The following NBPF3 variants were observed in gnomAD, a reference collection of about 807,000 sequenced individuals.
NBPF3 encodes the protein NBPF member 3.
Under a neutral mutation model 78.1 loss-of-function variants are expected in NBPF3, and 57 were observed. The ratio of observed to expected loss-of-function variants is 0.73; its 90% CI spans 0.59 to 0.91. The LOEUF (loss-of-function observed/expected upper bound fraction) is 0.91, where lower values mean the gene tolerates loss of function less well. Ranked by LOEUF, NBPF3 falls within the 40% of genes least tolerant of loss-of-function variation. The pLI, the probability that NBPF3 is intolerant of heterozygous loss-of-function variation, is 0.00. For missense variants in NBPF3, 510 were observed against 715.3 expected, an observed-to-expected ratio of 0.71 and a Z score of 3.27; for synonymous variants, 182 against 271.7, an observed-to-expected ratio of 0.67 and a Z score of 3.25.
chr1:21,442,898 G>C (rs1640742955), intron 1 of NBPF3, among the ~76,000 whole-genome samples: 1 of 152,170 alleles, frequency 6.6e-6, no homozygotes, highest in African/African-American at 2.4e-5. Context: ...TTGGGCTCAA[G>C]TAATCTGCCC....
chr1:21,472,981 C>G, intron 6 of NBPF3, 66 bp downstream of exon 6: 1 of 1,220,532 alleles, frequency 8.2e-7, no homozygotes, highest in Non-Finnish European at 1.2e-6. Context: ...GGAGGCACAC[C>G]CTCTCTGGCA....
chr1:21,471,041 A>G (rs1642560891), intron 4 of NBPF3, among the ~76,000 whole-genome samples: 1 of 148,160 alleles, frequency 6.7e-6, no homozygotes, highest in South Asian at 2.2e-4. Context: ...ACTCAAAGTG[A>G]TGTGCCATCA....
At chr1:21,480,578 TG>T (rs1391115228) in intron 11 of NBPF3, among the ~76,000 whole-genome samples, 1 of 152,308 alleles carries the variant, frequency 6.6e-6, no homozygotes, top group Non-Finnish European at 1.5e-5. Context: ...ACGAATGAGC[TG>T]GGCATTTGAT....
At chr1:21,462,417 A>C (rs1337244691) in intron 2 of NBPF3, among the ~76,000 whole-genome samples, 2 of 152,174 alleles carry the variant, frequency 1.3e-5, no homozygotes, top group African/African-American at 4.8e-5. Flanking sequence ...GGTTTTTTGC[A>C]GTATACTCTA....
chr1:21,450,626 C>T (rs1253983049), intron 2 of NBPF3, among the ~76,000 whole-genome samples: 1 of 152,196 alleles, frequency 6.6e-6, no homozygotes, highest in African/African-American at 2.4e-5. Context: ...AATGCATTCA[C>T]CGTCTCCCCT....
At chr1:21,474,390 G>A (rs1394360655) in intron 7 of NBPF3, among the ~76,000 whole-genome samples, 1 of 152,104 alleles carries the variant, frequency 6.6e-6, no homozygotes, top group Non-Finnish European at 1.5e-5. Context: ...TTTTATTAGA[G>A]ACGGGGTTCC....
In NBPF3 at chr1:21,473,405, G is replaced by C. The variant is rs1642713465; in HGVS notation, c.760G>C (p.Glu254Gln). The C allele has an allele frequency of 6.2e-7, 1 of 1,614,152 alleles. No homozygotes were observed. The highest frequency in any genetic ancestry group is 2.2e-5 in the East Asian group (1 of 44,880). Residue 254 changes from glutamate to glutamine, a missense_variant, in exon 7 of 15, where the codon GAA becomes CAA. Transcript: ENST00000318249. ...PREVQKAEEK[E>Q]VPEDSLEECA... ...GGAGGTGCAGAAGGCTGAAGAAAAG[G>C]AAGTCCCTGAGGACTCACTGGAGGA...
At chr1:21,457,809 G>T (rs1302545925) in intron 2 of NBPF3, among the ~76,000 whole-genome samples, 1 of 152,180 alleles carries the variant, frequency 6.6e-6, no homozygotes, top group African/African-American at 2.4e-5. Flanking sequence ...TGTATTTCCA[G>T]ACCAGACTGA....
rs756957519 is a variant in NBPF3 at position 21,483,291 on chromosome 1, G to A, written c.1807G>A (p.Val603Ile). 1.2e-5 allele frequency: 16 copies of A among 1,353,652 alleles called. 1 individual carries two copies. Among genetic ancestry groups the A allele is most frequent in the East Asian group, 2.8e-5 (1 of 35,944 alleles). The allele number at this position is 1,353,652 out of a possible 1,614,324, so 83.9% of individuals were successfully genotyped here. Residue 603 changes from valine (V) to isoleucine (I), a missense_variant, in exon 15 of 15, where the codon GTC becomes ATC. Physicochemically the swap from Val to Ile is conservative, Grantham distance 29. Around this residue, in one of 5 missense-constraint regions of NBPF3, gnomAD observed 18 missense variants for 65.2 expected, o/e 0.28. Transcript: ENST00000318249. The part of the protein sequence containing the change: ...SAFYSFEEQD[V>I]SLALDVDNRF... Reference sequence around the variant, plus strand: ...CTTTTACTCATTTGAGGAACAGGACGTCAGCTTGGCCCTTGACGTGGACAA... The same window carrying A: ...CTTTTACTCATTTGAGGAACAGGACATCAGCTTGGCCCTTGACGTGGACAA...
intron 1 of NBPF3, among the ~76,000 whole-genome samples, chr1:21,441,631 C>G (rs1046462978): frequency 6.7e-6 from 1 of 149,344 alleles, no homozygotes; most frequent in African/African-American, 2.5e-5. Flanking sequence ...CACCAGAGCC[C>G]GGAAGGTTGA....
chr1:21,437,583 G>A (rs534852407), upstream of NBPF3: 209 of 803,494 alleles, frequency 2.6e-4, no homozygotes, highest in Non-Finnish European at 3.5e-4. Flanking sequence ...TCAGCGTTTG[G>A]GCATAACACC....
chr1:21,437,598 G>A (rs1242797376), upstream of NBPF3: 3 of 605,452 alleles, frequency 5.0e-6, no homozygotes, highest in South Asian at 2.2e-5. Context: ...AACACCAGTC[G>A]AGCCTTATGC....
rs187894802 is a variant in NBPF3 at position 21,460,475 on chromosome 1, G to A, written c.134-8213G>A. 2.2e-4 allele frequency among the ~76,000 whole-genome samples: 34 copies of A among 152,214 alleles called. No homozygotes were observed. The highest frequency in any genetic ancestry group is 1.8e-3 in the Admixed American group (28 of 15,276). ...CATCCATGAGTGAGAACGTGCTCAC[G>A]CTGCTACTTCTAAATGTTTTAAAAA... is the stretch of plus-strand genomic sequence containing the variant. On this transcript the variant is annotated intron_variant, in intron 2 of 14. Transcript: ENST00000318249. This position sits in a 1 kb window ranked among gnomAD's most constrained non-coding sequence, Gnocchi z 4.2.
At chr1:21,471,002 A>G (rs1429432319) in intron 4 of NBPF3, among the ~76,000 whole-genome samples, 1 of 152,110 alleles carries the variant, frequency 6.6e-6, no homozygotes, top group African/African-American at 2.4e-5. Context: ...TAACCGAAGG[A>G]GTGGGAACCA....
intron 6 of NBPF3, among the ~76,000 whole-genome samples, chr1:21,473,148 C>CCTAT (rs1642696788): frequency 6.6e-6 from 1 of 152,188 alleles, no homozygotes; most frequent in South Asian, 2.1e-4. Flanking sequence ...CTCCTCGGCT[C>CCTAT]CTATCTGTCC....
Position 21,443,489 on chromosome 1 carries a change from G to A in NBPF3, c.-139-1459G>A, listed in dbSNP as rs185354358. Among the ~76,000 whole-genome samples, 206 of 152,160 alleles carry A rather than the reference G, an allele frequency of 1.4e-3. 1 individual carries two copies. The South Asian group carries it at 0.015, about 11-fold the overall frequency. ...CACTTTTATACTTAATTGTTCTTAG[G>A]TATACTTAATTAGCGAGAAAACTTT... On this transcript the variant is annotated intron_variant, in intron 1 of 14. Transcript: ENST00000318249.
chr1:21,468,456 A>C, intron 2 of NBPF3: 1 of 1,413,730 alleles, frequency 7.1e-7, no homozygotes, highest in East Asian at 2.6e-5. Flanking sequence ...TACCTGGCAC[A>C]CTGGCCTCAC....
chr1:21,467,288 A>T, intron 2 of NBPF3: 1 of 985,382 alleles, frequency 1.0e-6, no homozygotes, highest in Non-Finnish European at 1.2e-6. Flanking sequence ...CCAGGATCAC[A>T]CTCACTGCAC....
intron 10 of NBPF3, 76 bp from the exon 11 acceptor site, chr1:21,479,975 T>C: frequency 2.7e-5 from 22 of 810,182 alleles, no homozygotes. Context: ...TTCCTTATGT[T>C]ACCCATGAAA....
Sources: gnomAD v4.1 joint callset for allele counts (sites outside exome capture counted in the v4.1 genomes callset) on GRCh38, gnomAD v4.1.1 for gene constraint, gnomAD v4.1.1 regional missense constraint, Gnocchi (gnomAD v3.1) non-coding constraint, MANE v1.5 for transcripts, NCBI Gene and HGNC (gene_info 2026-07-23, HGNC 2026-07-21) for gene names.